The following YTHDC2 variants were observed in gnomAD, a reference collection of about 807,000 sequenced individuals.
The protein encoded by YTHDC2 is 3'-5' RNA helicase YTHDC2.
A neutral mutation model predicts 174.9 loss-of-function variants in YTHDC2; 45 were observed. The ratio of observed to expected loss-of-function variants is 0.26; its 90% confidence interval spans 0.20 to 0.33. The LOEUF is 0.33. YTHDC2 is among the 10% of genes least tolerant of loss of function. The probability of loss-of-function intolerance (pLI) is 1.00; values close to 1 mark genes in which losing one functional copy is unlikely to be tolerated. For missense variants in YTHDC2, 1,650 were observed against 1,723.7 expected (o/e 0.96, Z 0.76); for synonymous variants, 657 against 574.5 (o/e 1.14, Z -2.05).
intron 20 of YTHDC2, chr5:113,565,598 TAG>T: frequency 9.5e-6 from 2 of 210,820 alleles, no homozygotes; most frequent in Non-Finnish European, 1.9e-5. Flanking sequence ...TATACTTTTG[TAG>T]AGAGTAAAAT....
intron 21 of YTHDC2, 113 bp from the exon 22 acceptor site, chr5:113,566,979 T>A (rs908263445): frequency 8.6e-7 from 1 of 1,165,004 alleles, no homozygotes; most frequent in Non-Finnish European, 1.2e-6. Context: ...CTATTAATTA[T>A]CGTGAAATTT....
intron 4 of YTHDC2, among the ~76,000 whole-genome samples, chr5:113,530,702 TC>T (rs1774596057): frequency 6.6e-6 from 1 of 152,152 alleles, no homozygotes; most frequent in South Asian, 2.1e-4. Flanking sequence ...ATGTGTTAGA[TC>T]AATTAAGACT....
At chr5:113,576,620 A>G (rs1423062987) in intron 23 of YTHDC2, among the ~76,000 whole-genome samples, 1 of 151,762 alleles carries the variant, frequency 6.6e-6, no homozygotes, top group Non-Finnish European at 1.5e-5. Flanking sequence ...ATATTTAAAG[A>G]TTCCTTCATT....
chr5:113,518,575 G>A (rs1180561727), intron 2 of YTHDC2, among the ~76,000 whole-genome samples: 4 of 98,540 alleles, frequency 4.1e-5, no homozygotes, highest in Non-Finnish European at 8.3e-5. Flanking sequence ...GTGTGTGTGT[G>A]TGTGTGTGTG....
intron 2 of YTHDC2, among the ~76,000 whole-genome samples, chr5:113,519,184 T>G (rs771291810): frequency 6.6e-6 from 1 of 152,202 alleles, no homozygotes; most frequent in Non-Finnish European, 1.5e-5. Context: ...CTGTTTTGAT[T>G]ATTTTTTGTA....
chr5:113,556,091 A>G lies in YTHDC2; in HGVS notation c.2173A>G (p.Met725Val), dbSNP rs1281075226. The stretch of plus-strand genomic sequence containing the variant: ...TCTGAATTTTGTTACAATGTTAAAA[A>G]TGGTATGGATTTCCAAAGCTAGTGC... Reference protein sequence around the residue: ...DALNFVTMLKMVWISKASAIQ... With the variant: ...DALNFVTMLKVVWISKASAIQ... Residue 725 changes from methionine (M) to valine (V), a missense_variant, in exon 17 of 30, where the codon ATG becomes GTG. By Grantham distance (21) the Met-to-Val change is conservative. Coordinates refer to ENST00000161863, the MANE Select transcript of YTHDC2 (RefSeq NM_022828.5). 3 of 1,610,058 alleles carry G rather than the reference A, an allele frequency of 1.9e-6. No homozygotes were observed. The East Asian group carries it at 6.7e-5, about 36-fold the overall frequency.
intron 2 of YTHDC2, among the ~76,000 whole-genome samples, chr5:113,522,729 G>A (rs1156752742): frequency 1.3e-5 from 2 of 152,042 alleles, no homozygotes; most frequent in Non-Finnish European, 2.9e-5. Flanking sequence ...TGTATTTAAT[G>A]TTTCCATCCT....
At chr5:113,515,985 G>T (rs1327525506) in intron 2 of YTHDC2, among the ~76,000 whole-genome samples, 2 of 152,170 alleles carry the variant, frequency 1.3e-5, no homozygotes, top group African/African-American at 2.4e-5. Context: ...GGGGAAGGCG[G>T]AGTTTTTCTT....
At chr5:113,581,811 T>C (rs970130024) in intron 25 of YTHDC2, 102 bp downstream of exon 25, 1 of 1,042,368 alleles carries the variant, frequency 9.6e-7, no homozygotes, top group African/African-American at 1.7e-5. Flanking sequence ...AAATTACTTT[T>C]TTATAATCTA....
chr5:113,590,547 G>A (rs573465430), intron 26 of YTHDC2, among the ~76,000 whole-genome samples: 4 of 152,288 alleles, frequency 2.6e-5, no homozygotes, highest in Admixed American at 1.3e-4. Context: ...ACCCCTCTGT[G>A]TTTCCTTTGG....
intron 26 of YTHDC2, among the ~76,000 whole-genome samples, chr5:113,586,232 T>A (rs1476819089): frequency 6.6e-6 from 1 of 152,044 alleles, no homozygotes; most frequent in Non-Finnish European, 1.5e-5. Flanking sequence ...CCATTATAGT[T>A]TTAATTTGTA....
rs1169699422 is a variant in YTHDC2, at chr5:113,513,837, T to C, written c.-59T>C. 10 of 1,510,394 alleles carry C rather than the reference T, an allele frequency of 6.6e-6. No homozygotes were observed. Among genetic ancestry groups the C allele is most frequent in the African/African-American group, 1.4e-5 (1 of 69,942 alleles). The allele number at this position is 1,510,394 out of a possible 1,614,324, so 93.6% of individuals were successfully genotyped here. A position where few individuals can be genotyped will look rare whatever the true frequency, so the allele number is the denominator to read the frequency against. On this transcript the variant is annotated 5_prime_UTR_variant, in exon 1 of 30. Transcript: ENST00000161863. ...CCCCGGATTCCCACGGTCTTTGTCATTGGCTGTCAGCTAGCAGGCCTGGCC... is the reference window on the plus strand; with the variant it reads ...CCCCGGATTCCCACGGTCTTTGTCACTGGCTGTCAGCTAGCAGGCCTGGCC...
chr5:113,540,621 G>A (rs575674506), intron 8 of YTHDC2, among the ~76,000 whole-genome samples: 10 of 152,108 alleles, frequency 6.6e-5, no homozygotes, highest in Non-Finnish European at 1.2e-4. Context: ...ATCAGATCTC[G>A]TGAGAACTCA....
intron 8 of YTHDC2, 102 bp from the exon 9 acceptor site, chr5:113,540,866 C>G (rs1561647704): frequency 4.3e-6 from 5 of 1,163,368 alleles, no homozygotes; most frequent in Non-Finnish European, 5.9e-6. Flanking sequence ...ATAAGACCAA[C>G]TTTTAAGAGA....
At chr5:113,520,133 G>A (rs945818277) in intron 2 of YTHDC2, among the ~76,000 whole-genome samples, 1 of 152,100 alleles carries the variant, frequency 6.6e-6, no homozygotes, top group Non-Finnish European at 1.5e-5. Flanking sequence ...TGCCAGTTAT[G>A]AGTGAGAACA....
intron 25 of YTHDC2, chr5:113,581,993 C>T (rs1417430692): frequency 1.3e-5 from 3 of 222,484 alleles, no homozygotes; most frequent in African/African-American, 2.3e-5. Flanking sequence ...AATTGGGTCT[C>T]TCAAAAATAT....
At chr5:113,556,554 A>G (rs1424442062) in intron 17 of YTHDC2, among the ~76,000 whole-genome samples, 1 of 152,186 alleles carries the variant, frequency 6.6e-6, no homozygotes, top group Non-Finnish European at 1.5e-5. Context: ...TTAACCTCAC[A>G]TATACTACCT....
In YTHDC2 at chr5:113,533,017, A is replaced by G. The variant is rs538811566; in HGVS notation, c.814A>G (p.Ile272Val). Reference protein sequence around the residue: ...AERRERIGQTIGYQIRLESRV... With the variant: ...AERRERIGQTVGYQIRLESRV... ...GAGACGGGAAAGGATTGGTCAAACA[A>G]TTGGTTATCAGATCCGATTAGAAAG... Residue 272 changes from isoleucine to valine, a missense_variant, in exon 5 of 30, where the codon ATT (isoleucine) becomes GTT (valine). By Grantham distance (29) the Ile-to-Val change is conservative. Around this residue, in one of 5 missense-constraint regions of YTHDC2, gnomAD observed 304 missense variants for 341.4 expected, o/e 0.89. Coordinates refer to ENST00000161863, the MANE Select transcript of YTHDC2 (RefSeq NM_022828.5). The G allele has an allele frequency of 2.8e-5, 46 of 1,614,048 alleles. 1 individual carries two copies. In the South Asian group the frequency reaches 3.7e-4, roughly 13 times the overall value.
At position 113,563,418 on chromosome 5, in the gene YTHDC2, A is replaced by G. The variant is rs778854014; in HGVS notation, c.2368A>G (p.Ile790Val). The G allele has an allele frequency of 2.5e-6, 4 of 1,611,704 alleles. No individual in the cohort carries two copies. The highest frequency in any genetic ancestry group is 2.2e-5 in the East Asian group (1 of 44,770). Residue 790 changes from isoleucine (I) to valine (V), a missense_variant, in exon 19 of 30, where the codon ATT becomes GTT. Physicochemically the swap from Ile to Val is conservative, Grantham distance 29. Around this residue, in one of 5 missense-constraint regions of YTHDC2, gnomAD observed 913 missense variants for 940.4 expected, o/e 0.97. Transcript: ENST00000161863. ...GCTGTTAGCCCCAGTTAATTGTCCC[A>G]TTGCTGATTTTCTTATGAAAGCTCC... ...TKLLAPVNCPIADFLMKAPEP... is the reference protein window; with the variant it reads ...TKLLAPVNCPVADFLMKAPEP...
Sources: gnomAD v4.1 joint callset for allele counts (sites outside exome capture counted in the v4.1 genomes callset) on GRCh38, gnomAD v4.1.1 for gene constraint, gnomAD v4.1.1 regional missense constraint, MANE v1.5 for transcripts, NCBI Gene and HGNC (gene_info 2026-07-23, HGNC 2026-07-21) for gene names.